The following PHACTR1 variants were observed in gnomAD, a reference collection of about 807,000 sequenced individuals.
PHACTR1 encodes the protein RPEL repeat containing 1.
PHACTR1 carries 16 observed loss-of-function variants against 69.2 expected under a neutral mutation model. The observed-to-expected ratio is 0.23, with a 90% CI of 0.16 to 0.35. The LOEUF (loss-of-function observed/expected upper bound fraction) is 0.35. Among genes scored for constraint, PHACTR1 ranks in the 10% least tolerant of loss-of-function variants. The pLI, the probability that PHACTR1 is intolerant of heterozygous loss-of-function variation, is 1.00. For synonymous variants in PHACTR1, 312 were observed against 284.5 expected, an observed-to-expected ratio of 1.10 and a Z score of -0.97; for missense variants, 510 against 734.7, an observed-to-expected ratio of 0.69 and a Z score of 3.54.
rs973574702 is a variant in PHACTR1 at position 12,720,290 on chromosome 6, G to A, written c.103+1443G>A. Among the ~76,000 whole-genome samples, 11 of 152,328 alleles carry A rather than the reference G, an allele frequency of 7.2e-5. No individual in the cohort carries two copies. In the South Asian group the frequency reaches 1.0e-3, roughly 14 times the overall value. ...TAATGCTCCGTAGCGGGGTCATCCC[G>A]CTGAACCGCATAGCTGTTGGCAAAA... On this transcript the variant is annotated intron_variant, in intron 3 of 14. Transcript: ENST00000332995.
intron 10 of PHACTR1, among the ~76,000 whole-genome samples, chr6:13,247,168 CTT>C (rs540960971): frequency 2.4e-4 from 37 of 152,238 alleles, no homozygotes; most frequent in African/African-American, 8.9e-4. Flanking sequence ...TCTTTAGTGT[CTT>C]TGAAAAGAAA....
chr6:12,994,671 C>T (rs1420135334), intron 4 of PHACTR1, among the ~76,000 whole-genome samples: 1 of 152,036 alleles, frequency 6.6e-6, no homozygotes, highest in African/African-American at 2.4e-5. Context: ...TAAGAGCGCT[C>T]AGTCTGCTAC....
chr6:13,069,642 C>CTTAGA, intron 5 of PHACTR1, among the ~76,000 whole-genome samples: 1 of 152,254 alleles, frequency 6.6e-6, no homozygotes, highest in East Asian at 1.9e-4. Context: ...CCACATAAAG[C>CTTAGA]TTAGATGTCT....
chr6:12,813,978 A>G (rs965009795), intron 4 of PHACTR1, among the ~76,000 whole-genome samples: 5 of 152,234 alleles, frequency 3.3e-5, no homozygotes, highest in Non-Finnish European at 5.9e-5. Context: ...AAGAAGCATC[A>G]GTTCAGTGGA....
At chr6:13,199,403 A>C (rs1185317573) in intron 7 of PHACTR1, among the ~76,000 whole-genome samples, 1 of 151,120 alleles carries the variant, frequency 6.6e-6, no homozygotes, top group Non-Finnish European at 1.5e-5. Flanking sequence ...AAAAAAAAAA[A>C]AAAAAAAAAC....
At chr6:12,730,408 T>C (rs2127570556) in intron 3 of PHACTR1, among the ~76,000 whole-genome samples, 1 of 152,282 alleles carries the variant, frequency 6.6e-6, no homozygotes, top group East Asian at 1.9e-4. Flanking sequence ...AAATTCTGGC[T>C]TGTATTTTTA....
chr6:13,190,281 C>T (rs1223557), intron 7 of PHACTR1, among the ~76,000 whole-genome samples: 4,329 of 145,488 alleles, frequency 0.03, 217 homozygotes, highest in African/African-American at 0.1. Context: ...GTGATCTGCC[C>T]GCCTCAGCCT....
chr6:13,100,772 T>C (rs1815030142), intron 5 of PHACTR1, among the ~76,000 whole-genome samples: 1 of 152,204 alleles, frequency 6.6e-6, no homozygotes, highest in Non-Finnish European at 1.5e-5. Flanking sequence ...TGTAAGACGA[T>C]TGATGCTTGT....
chr6:12,834,289 G>T (rs1400113318), intron 4 of PHACTR1, among the ~76,000 whole-genome samples: 1 of 152,088 alleles, frequency 6.6e-6, no homozygotes, highest in Non-Finnish European at 1.5e-5. Context: ...TGAAGTAATT[G>T]TATTTTGTCA....
At chr6:12,773,768 T>C (rs555559422) in intron 4 of PHACTR1, among the ~76,000 whole-genome samples, 1 of 152,340 alleles carries the variant, frequency 6.6e-6, no homozygotes, top group African/African-American at 2.4e-5. Flanking sequence ...CGCTTAAAAA[T>C]ACCAAACTTT....
intron 10 of PHACTR1, among the ~76,000 whole-genome samples, chr6:13,251,036 G>C (rs916291511): frequency 1.3e-5 from 2 of 152,200 alleles, no homozygotes; most frequent in Admixed American, 1.3e-4. Context: ...CTTCTGATCA[G>C]TGAAAGGAGC....
chr6:13,037,815 G>A (rs999000538), intron 4 of PHACTR1, among the ~76,000 whole-genome samples: 2 of 152,188 alleles, frequency 1.3e-5, no homozygotes, highest in Non-Finnish European at 2.9e-5. Flanking sequence ...AGAAACTGAT[G>A]ATATGGATAA....
chr6:13,183,459 AG>A (rs1315556371), intron 7 of PHACTR1, among the ~76,000 whole-genome samples: 1 of 152,004 alleles, frequency 6.6e-6, no homozygotes, highest in Non-Finnish European at 1.5e-5. Flanking sequence ...GGGAGGGATG[AG>A]GTTTCACAGG....
At chr6:13,001,280 T>G (rs1180597198) in intron 4 of PHACTR1, among the ~76,000 whole-genome samples, 1 of 152,208 alleles carries the variant, frequency 6.6e-6, no homozygotes, top group Non-Finnish European at 1.5e-5. Context: ...TGCCATCTCA[T>G]CCCACTCTCA....
At chr6:13,247,780 G>C (rs1279864370) in intron 10 of PHACTR1, among the ~76,000 whole-genome samples, 1 of 152,168 alleles carries the variant, frequency 6.6e-6, no homozygotes, top group African/African-American at 2.4e-5. Context: ...CTTGAGGTCA[G>C]GACTTCGAGG....
chr6:13,257,744 C>T (rs1277051679), intron 10 of PHACTR1, among the ~76,000 whole-genome samples: 2 of 152,142 alleles, frequency 1.3e-5, no homozygotes, highest in African/African-American at 4.8e-5. Flanking sequence ...TCACATCTCT[C>T]TAACCTTACC....
rs559095957 is a variant in PHACTR1 at position 13,006,838 on chromosome 6, A to T, written c.251-46527A>T. On this transcript the variant is annotated intron_variant, in intron 4 of 14. Transcript: ENST00000332995. ...TGAGCTCATCACTGCGTCACTTCAG[A>T]ACCCAAAGGGAAGCCATAGCTGCTA... is the stretch of plus-strand genomic sequence containing the variant. Among the ~76,000 whole-genome samples the T allele has an allele frequency of 7.2e-5, 11 of 152,344 alleles. 1 individual carries two copies. Among genetic ancestry groups the T allele is most frequent in the Admixed American group, 7.2e-4 (11 of 15,312 alleles).
intron 5 of PHACTR1, among the ~76,000 whole-genome samples, chr6:13,144,025 G>C (rs1223528): frequency 0.97 from 148,300 of 152,234 alleles, 72,317 homozygotes; most frequent in Non-Finnish European, 0.99. Flanking sequence ...AAACTTGAAG[G>C]AAGGTAGAAA....
chr6:12,897,793 C>T (rs1205162870), intron 4 of PHACTR1, among the ~76,000 whole-genome samples: 2 of 151,770 alleles, frequency 1.3e-5, no homozygotes, highest in Non-Finnish European at 2.9e-5. Flanking sequence ...TATACATGTG[C>T]CATGGTGGTT....
Sources: gnomAD v4.1 joint callset for allele counts (sites outside exome capture counted in the v4.1 genomes callset) on GRCh38, gnomAD v4.1.1 for gene constraint, MANE v1.5 for transcripts, NCBI Gene and HGNC (gene_info 2026-07-23, HGNC 2026-07-21) for gene names.